PLXNA4: variants seen among roughly 807,000 people sequenced by gnomAD.
PLXNA4 encodes the protein plexin A4, also known as plexin-A4.
A neutral mutation model predicts 191.8 loss-of-function variants in PLXNA4; 44 were observed. That is an observed-to-expected ratio of 0.23 (90% CI 0.18 to 0.29). The LOEUF is 0.29. PLXNA4 is among the 10% of genes least tolerant of loss of function. PLXNA4 has a pLI of 1.00. For synonymous variants in PLXNA4, 1,082 were observed against 1,009.5 expected (o/e 1.07, Z -1.36); for missense variants, 1,800 against 2,488.8 (o/e 0.72, Z 5.89).
chr7:132,424,746 A>C (rs1317549663), intron 3 of PLXNA4, among the ~76,000 whole-genome samples: 5 of 152,264 alleles, frequency 3.3e-5, no homozygotes, highest in Non-Finnish European at 7.3e-5. Flanking sequence ...TGATGGTTAC[A>C]CATTACATAC....
upstream of PLXNA4, chr7:132,576,558 G>A: frequency 1.0e-6 from 1 of 986,082 alleles, no homozygotes; most frequent in Non-Finnish European, 1.2e-6. This position sits in a 1 kb window ranked among gnomAD's most constrained non-coding sequence, Gnocchi z 5.8. Flanking sequence ...CCCCAGCCCC[G>A]AACGCAAATA....
chr7:132,408,735 G>A (rs1252846268), intron 3 of PLXNA4, among the ~76,000 whole-genome samples: 1 of 151,996 alleles, frequency 6.6e-6, no homozygotes, highest in African/African-American at 2.4e-5. Flanking sequence ...CAAAGTGCTG[G>A]GATTACAAGC....
chr7:132,275,747 A>C (rs1800252176), intron 4 of PLXNA4, among the ~76,000 whole-genome samples: 1 of 152,160 alleles, frequency 6.6e-6, no homozygotes, highest in South Asian at 2.1e-4. Context: ...GCACTCCTCT[A>C]GCTCTACTGG....
intron 3 of PLXNA4, among the ~76,000 whole-genome samples, chr7:132,467,554 C>T (rs1796756468): frequency 1.3e-5 from 2 of 152,224 alleles, no homozygotes; most frequent in African/African-American, 4.8e-5. Flanking sequence ...TGTCCCAGTG[C>T]ATGTCCTAAG....
At chr7:132,519,891 A>G (rs963470593) in intron 1 of PLXNA4, among the ~76,000 whole-genome samples, 5 of 152,220 alleles carry the variant, frequency 3.3e-5, no homozygotes, top group Admixed American at 1.3e-4. Context: ...CATCTGTAAA[A>G]TGGCGTTTCT....
chr7:132,142,724 A>C (rs1319800294), intron 29 of PLXNA4, among the ~76,000 whole-genome samples: 1 of 152,192 alleles, frequency 6.6e-6, no homozygotes, highest in Admixed American at 6.5e-5. Context: ...CACCCAGGTG[A>C]AAGTAGGGGT....
chr7:132,414,554 G>T (rs1482390609), intron 3 of PLXNA4, among the ~76,000 whole-genome samples: 1 of 152,140 alleles, frequency 6.6e-6, no homozygotes, highest in Admixed American at 6.5e-5. Context: ...GAGGTTTGAT[G>T]CTTGGACAAG....
At chr7:132,615,439 C>T (rs1228531551) in intron 2 of PLXNA4, among the ~76,000 whole-genome samples, 4 of 152,260 alleles carry the variant, frequency 2.6e-5, no homozygotes, top group East Asian at 1.9e-4. Context: ...CTCCCACCAC[C>T]GCAGGCGGCC....
chr7:132,379,381 T>C (rs1186670419), intron 3 of PLXNA4, among the ~76,000 whole-genome samples: 1 of 152,188 alleles, frequency 6.6e-6, no homozygotes, highest in Non-Finnish European at 1.5e-5. Context: ...ACTAGGTTGA[T>C]ATGACCTGGC....
Position 132,322,184 on chromosome 7 carries a change from C to CTTTTTTTTTTTTTTTTTTTTTTTT in PLXNA4, c.1372-23963_1372-23962insAAAAAAAAAAAAAAAAAAAAAAAA, listed in dbSNP as rs5887566. 9.8e-4 allele frequency among the ~76,000 whole-genome samples: 120 copies of CTTTTTTTTTTTTTTTTTTTTTTTT among 122,464 alleles called. 5 individuals are homozygous for CTTTTTTTTTTTTTTTTTTTTTTTT. The highest frequency in any genetic ancestry group is 1.9e-3 in the Admixed American group (20 of 10,616). 80.3% of individuals were successfully genotyped at this position (122,464 alleles called of 152,430 possible). On this transcript the variant is annotated intron_variant, in intron 3 of 31. Coordinates refer to ENST00000321063, the MANE Select transcript of PLXNA4 (RefSeq NM_020911.2). The stretch of plus-strand genomic sequence containing the variant: ...CTAGAGTTCAATTTCCCTAAAAGGG[C>CTTTTTTTTTTTTTTTTTTTTTTTT]TTTTTTTTTTTTTTTTTTAACAGAG...
chr7:132,608,742 G>T (rs572029956), intron 2 of PLXNA4, among the ~76,000 whole-genome samples: 3 of 151,816 alleles, frequency 2.0e-5, no homozygotes, highest in African/African-American at 7.3e-5. Context: ...CTCCACTCTT[G>T]CCTCTCGTGG....
chr7:132,127,052 A>G lies in PLXNA4; in HGVS notation c.*3427T>C, dbSNP rs1277638950. The stretch of plus-strand genomic sequence containing the variant: ...TGTGGCCAGGAGAAATGACCAGCCT[A>G]CCACTCTGTTTCTTGTCTTCCTCTA... On this transcript the variant is annotated 3_prime_UTR_variant, in exon 32 of 32. Transcript: ENST00000321063. The G allele has an allele frequency of 1.3e-5, 2 of 152,200 alleles. No individual in the cohort carries two copies. The highest frequency in any genetic ancestry group is 6.5e-5 in the Admixed American group (1 of 15,274). The allele number at this position is 152,200 out of a possible 1,614,324, so 9.4% of individuals were successfully genotyped here.
chr7:132,445,988 C>A (rs1795896700), intron 3 of PLXNA4, among the ~76,000 whole-genome samples: 4 of 152,146 alleles, frequency 2.6e-5, no homozygotes, highest in Admixed American at 6.5e-5. Context: ...CTGATGTCTC[C>A]CTGGTAGGCT....
chr7:132,376,309 G>A (rs543341710), intron 3 of PLXNA4, among the ~76,000 whole-genome samples: 13 of 152,292 alleles, frequency 8.5e-5, no homozygotes, highest in Middle Eastern at 6.8e-3. Context: ...ACCCCCAGCC[G>A]AGGATACAGG....
intron 3 of PLXNA4, among the ~76,000 whole-genome samples, chr7:132,419,334 T>C (rs1027617756): frequency 6.7e-4 from 102 of 152,288 alleles, no homozygotes; most frequent in Non-Finnish European, 1.2e-3. Context: ...AGAGAACTGC[T>C]CCCTTGACCA....
At chr7:132,265,330 A>G (rs1425471043) in intron 4 of PLXNA4, among the ~76,000 whole-genome samples, 1 of 152,230 alleles carries the variant, frequency 6.6e-6, no homozygotes, top group Non-Finnish European at 1.5e-5. Flanking sequence ...CCAATTATCA[A>G]GCATTTGTTA....
intron 4 of PLXNA4, among the ~76,000 whole-genome samples, chr7:132,247,767 G>A (rs866305355): frequency 6.6e-6 from 1 of 152,164 alleles, no homozygotes. Flanking sequence ...CACTGCCAGG[G>A]CTGCAATTTG....
At chr7:132,317,560 A>G (rs1801995290) in intron 3 of PLXNA4, among the ~76,000 whole-genome samples, 2 of 152,080 alleles carry the variant, frequency 1.3e-5, no homozygotes, top group Non-Finnish European at 2.9e-5. Flanking sequence ...GGGTTGTGTT[A>G]TGTTGAATTG....
intron 4 of PLXNA4, among the ~76,000 whole-genome samples, chr7:132,250,264 G>T (rs1488990515): frequency 6.6e-6 from 1 of 152,208 alleles, no homozygotes; most frequent in East Asian, 1.9e-4. Flanking sequence ...ATGCCCCTGT[G>T]ATGGGTGGTG....
Sources: gnomAD v4.1 joint callset for allele counts (sites outside exome capture counted in the v4.1 genomes callset) on GRCh38, gnomAD v4.1.1 for gene constraint, Gnocchi (gnomAD v3.1) non-coding constraint, MANE v1.5 for transcripts, NCBI Gene and HGNC (gene_info 2026-07-23, HGNC 2026-07-21) for gene names.